ELL: variants seen among roughly 807,000 people sequenced by gnomAD.
ELL encodes elongation factor for RNA polymerase II, also known as RNA polymerase II elongation factor ELL.
A neutral mutation model predicts 64.0 loss-of-function variants in ELL; 18 were observed. The observed-to-expected ratio is 0.28, with a 90% CI of 0.19 to 0.42. The LOEUF (loss-of-function observed/expected upper bound fraction) is 0.42, where lower values mean the gene tolerates loss of function less well. Among genes scored for constraint, ELL ranks in the 10% least tolerant of loss-of-function variants. The pLI, the probability that ELL is intolerant of heterozygous loss-of-function variation, is 1.00. For missense variants in ELL, 797 were observed against 870.4 expected, an observed-to-expected ratio of 0.92 and a Z score of 1.06; for synonymous variants, 399 against 376.2, an observed-to-expected ratio of 1.06 and a Z score of -0.70.
intron 1 of ELL, among the ~76,000 whole-genome samples, chr19:18,512,863 T>A (rs2144978185): frequency 6.6e-6 from 1 of 152,274 alleles, no homozygotes; most frequent in East Asian, 1.9e-4. Context: ...GCCACCAATG[T>A]ACCTGATCCC....
intron 5 of ELL, among the ~76,000 whole-genome samples, chr19:18,458,649 C>G (rs917390429): frequency 9.2e-5 from 14 of 152,168 alleles, no homozygotes; most frequent in African/African-American, 3.4e-4. Context: ...ACCCCATCAC[C>G]TGCCCCCTGG....
intron 5 of ELL, among the ~76,000 whole-genome samples, chr19:18,460,201 G>A (rs1974774761): frequency 6.6e-6 from 1 of 151,986 alleles, no homozygotes; most frequent in South Asian, 2.1e-4. Context: ...CTGAGGGCCT[G>A]TGAGGGGCTG....
rs1975017126 is a variant in ELL, at chr19:18,469,517, T to C, written c.183+3318A>G. 2.6e-5 allele frequency among the ~76,000 whole-genome samples: 4 copies of C among 152,222 alleles called. No homozygotes were observed. In the South Asian group the frequency reaches 6.2e-4, roughly 24 times the overall value. On this transcript the variant is annotated intron_variant, in intron 2 of 11. Coordinates refer to ENST00000262809, the MANE Select transcript of ELL (RefSeq NM_006532.4). Reference sequence around the variant, plus strand: ...TTGGTTGCTCCTTGGGGACTGCTCATGGGCCCAGTGACCCACGTACCAGTG... The same window carrying C: ...TTGGTTGCTCCTTGGGGACTGCTCACGGGCCCAGTGACCCACGTACCAGTG...
chr19:18,480,199 G>A (rs1975269003), intron 1 of ELL, among the ~76,000 whole-genome samples: 2 of 152,218 alleles, frequency 1.3e-5, no homozygotes, highest in South Asian at 4.1e-4. Context: ...GCCCTGGACG[G>A]TGGCCTCCCC....
chr19:18,515,630 C>T (rs1976111004), intron 1 of ELL, among the ~76,000 whole-genome samples: 1 of 152,242 alleles, frequency 6.6e-6, no homozygotes, highest in South Asian at 2.1e-4. Context: ...ATCACCTTTC[C>T]ACTTTCTTGG....
intron 1 of ELL, among the ~76,000 whole-genome samples, chr19:18,494,133 A>G (rs1975593564): frequency 6.6e-6 from 1 of 152,104 alleles, no homozygotes; most frequent in Non-Finnish European, 1.5e-5. Flanking sequence ...AGACTGAGGT[A>G]GGAGGATCGT....
At chr19:18,521,123 G>A (rs1284841140) in intron 1 of ELL, among the ~76,000 whole-genome samples, 1 of 152,110 alleles carries the variant, frequency 6.6e-6, no homozygotes, top group Non-Finnish European at 1.5e-5. Context: ...TCAGCGGCCA[G>A]ATGTGGTAGC....
At chr19:18,484,710 T>C (rs548436851) in intron 1 of ELL, among the ~76,000 whole-genome samples, 14 of 152,286 alleles carry the variant, frequency 9.2e-5, no homozygotes, top group African/African-American at 2.9e-4. Context: ...CAATGCTCTT[T>C]TGCCTCCACC....
At chr19:18,466,566 G>A (rs1324188255) in intron 2 of ELL, among the ~76,000 whole-genome samples, 1 of 152,208 alleles carries the variant, frequency 6.6e-6, no homozygotes, top group Admixed American at 6.5e-5. Flanking sequence ...GCTGGGCAAA[G>A]CTCCAGCCCT....
rs560552268 is a variant in ELL, at chr19:18,522,033, C to T, written c.23G>A (p.Arg8Lys). ...CCGCCCGCACGACAGCCCGTAGCTC[C>T]TATCCTCCTTCAGCGCCGCCATCTT... is the stretch of plus-strand genomic sequence containing the variant. MAALKED[R>K]SYGLSCGRVS... Residue 8 changes from arginine to lysine, a missense_variant, in exon 1 of 12, where the codon AGG becomes AAG. Coordinates refer to ENST00000262809, the MANE Select transcript of ELL (RefSeq NM_006532.4). 8.1e-6 allele frequency: 13 copies of T among 1,607,896 alleles called. No individual in the cohort carries two copies. The African/African-American group carries it at 1.5e-4, about 18-fold the overall frequency.
intron 1 of ELL, among the ~76,000 whole-genome samples, chr19:18,504,951 C>T (rs1393558985): frequency 6.6e-6 from 1 of 152,194 alleles, no homozygotes. Context: ...GCTCTCAGCC[C>T]ACAGCTCCAG....
chr19:18,502,210 C>T (rs1436450524), intron 1 of ELL, among the ~76,000 whole-genome samples: 1 of 152,180 alleles, frequency 6.6e-6, no homozygotes, highest in Admixed American at 6.5e-5. Context: ...CGCACACCCC[C>T]AGTCCAGCAC....
At chr19:18,447,927 G>A (rs895618107) in intron 8 of ELL, among the ~76,000 whole-genome samples, 1 of 151,892 alleles carries the variant, frequency 6.6e-6, no homozygotes, top group South Asian at 2.1e-4. Flanking sequence ...TGAGACTACA[G>A]GCATATGCCA....
chr19:18,522,059 G>C lies in ELL; in HGVS notation c.-4C>G, dbSNP rs770678062. On this transcript the variant is annotated 5_prime_UTR_variant, in exon 1 of 12. Coordinates refer to ENST00000262809, the MANE Select transcript of ELL (RefSeq NM_006532.4). ...TATCCTCCTTCAGCGCCGCCATCTT[G>C]CGACCATCTCTCCCCCGCGCCCCCT... 2 of 1,598,988 alleles carry C rather than the reference G, an allele frequency of 1.3e-6. No individual in the cohort carries two copies. The highest frequency in any genetic ancestry group is 2.2e-5 in the South Asian group (2 of 90,002).
chr19:18,468,823 G>T (rs1041782132), intron 2 of ELL, among the ~76,000 whole-genome samples: 1 of 152,232 alleles, frequency 6.6e-6, no homozygotes, highest in Non-Finnish European at 1.5e-5. Context: ...TGGCTTCAGG[G>T]GAGATGCCAC....
intron 2 of ELL, among the ~76,000 whole-genome samples, chr19:18,470,295 AGT>A (rs1975038458): frequency 6.6e-6 from 1 of 152,262 alleles, no homozygotes; most frequent in South Asian, 2.1e-4. Context: ...GCCAGGCTGC[AGT>A]GTGTCATCTG....
At position 18,443,411 on chromosome 19, in the gene ELL, A is replaced by G; in HGVS notation, c.*1341T>C. The G allele has an allele frequency of 4.3e-6, 1 of 232,780 alleles. No individual in the cohort carries two copies. 14.4% of individuals were successfully genotyped at this position (232,780 alleles called of 1,614,324 possible). On this transcript the variant is annotated 3_prime_UTR_variant, in exon 12 of 12. Transcript: ENST00000262809. ...GAAAAATAGACATCTGTATTTTTGC[A>G]TTTCTGTTCTCCCTGCCTGACTGCT...
At chr19:18,458,584 G>A (rs1394639740) in intron 5 of ELL, among the ~76,000 whole-genome samples, 4 of 152,126 alleles carry the variant, frequency 2.6e-5, no homozygotes, top group South Asian at 2.1e-4. Context: ...TGTCTTAGAG[G>A]TGCTGGGGCC....
intron 7 of ELL, among the ~76,000 whole-genome samples, chr19:18,451,176 C>T (rs894391222): frequency 6.6e-6 from 1 of 152,202 alleles, no homozygotes; most frequent in Non-Finnish European, 1.5e-5. Flanking sequence ...GGGATCGATG[C>T]AGGGGGAGGG....
Sources: gnomAD v4.1 joint callset for allele counts (sites outside exome capture counted in the v4.1 genomes callset) on GRCh38, gnomAD v4.1.1 for gene constraint, MANE v1.5 for transcripts, NCBI Gene and HGNC (gene_info 2026-07-23, HGNC 2026-07-21) for gene names.